NBEAL1: variants seen among roughly 807,000 people sequenced by gnomAD.
The protein encoded by NBEAL1 is neurobeachin like 1, also known as neurobeachin-like protein 1.
Under a neutral mutation model 351.3 loss-of-function variants are expected in NBEAL1, and 273 were observed. The observed-to-expected ratio is 0.78, with a 90% CI of 0.70 to 0.86. The LOEUF is 0.86. Among genes scored for constraint, NBEAL1 ranks in the 40% least tolerant of loss-of-function variants. The pLI is 0.00. For missense variants in NBEAL1, 2,961 were observed against 3,201.3 expected (o/e 0.92, Z 1.81); for synonymous variants, 1,050 against 1,086.4 (o/e 0.97, Z 0.66).
Position 203,148,996 on chromosome 2 carries a change from G to C in NBEAL1, c.5310G>C (p.Leu1770=), listed in dbSNP as rs781092619. 1.9e-6 allele frequency: 3 copies of C among 1,607,122 alleles called. No individual in the cohort carries two copies. Among genetic ancestry groups the C allele is most frequent in the Non-Finnish European group, 2.6e-6 (3 of 1,176,254 alleles). ...CTTTTTATTGTTTCTTTCAGGAGCT[G>C]TTTGTGGAGCCATTTAATCGAAAAG... ...GGESKLKFQE[L]FVEPFNRKAR... is the part of the protein sequence containing the mutation. Residue 1770 remains leucine, a synonymous_variant, in exon 34 of 56, where the codon CTG becomes CTC. Coordinates refer to ENST00000683969, the MANE Select transcript of NBEAL1 (RefSeq NM_001378026.1).
At chr2:203,180,070 A>C (rs888259957) in intron 42 of NBEAL1, among the ~76,000 whole-genome samples, 1 of 152,238 alleles carries the variant, frequency 6.6e-6, no homozygotes, top group Non-Finnish European at 1.5e-5. Context: ...CACTGTACCC[A>C]GCCCTAAAAA....
chr2:203,101,182 T>C (rs2062311725), intron 12 of NBEAL1, among the ~76,000 whole-genome samples: 1 of 152,140 alleles, frequency 6.6e-6, no homozygotes, highest in African/African-American at 2.4e-5. Context: ...TTTTTGTGTA[T>C]TGTAAGGAAG....
chr2:203,066,352 T>C (rs1007504460), intron 6 of NBEAL1, among the ~76,000 whole-genome samples: 8 of 150,100 alleles, frequency 5.3e-5, no homozygotes, highest in Non-Finnish European at 1.0e-4. Context: ...CATTTAAACC[T>C]GAGTTGACAC....
intron 16 of NBEAL1, 122 bp downstream of exon 16, chr2:203,112,220 A>G (rs1055064389): frequency 2.6e-5 from 26 of 986,658 alleles, no homozygotes; most frequent in African/African-American, 5.0e-5. Context: ...AGTGTTTTCT[A>G]TGTAGTAAGA....
At chr2:203,070,608 G>A (rs902207939) in intron 7 of NBEAL1, among the ~76,000 whole-genome samples, 3 of 152,078 alleles carry the variant, frequency 2.0e-5, no homozygotes, top group East Asian at 1.9e-4. Flanking sequence ...TAATTGGCTC[G>A]TGGTTCCACA....
chr2:203,177,935 C>A (rs2064565031), intron 42 of NBEAL1, among the ~76,000 whole-genome samples: 1 of 151,836 alleles, frequency 6.6e-6, no homozygotes, highest in African/African-American at 2.4e-5. Context: ...AGGAGAATTG[C>A]CTGAACCCGG....
At chr2:203,151,677 GTT>G in intron 35 of NBEAL1, 88 bp downstream of exon 35, 1 of 1,247,844 alleles carries the variant, frequency 8.0e-7, no homozygotes. Flanking sequence ...TTTTAAATGT[GTT>G]TACTTATGAA....
At chr2:203,164,559 T>A (rs1209984160) in intron 36 of NBEAL1, among the ~76,000 whole-genome samples, 1 of 152,178 alleles carries the variant, frequency 6.6e-6, no homozygotes, top group Non-Finnish European at 1.5e-5. Context: ...TTTACTTTTT[T>A]AGGGTTACTC....
chr2:203,223,425 G>A lies in NBEAL1; in HGVS notation c.*6071G>A, dbSNP rs78747375. 6.6e-6 allele frequency among the ~76,000 whole-genome samples: 1 copy of A among 151,970 alleles called. No homozygotes were observed. Among genetic ancestry groups the A allele is most frequent in the Non-Finnish European group, 1.5e-5 (1 of 67,944 alleles). On this transcript the variant is annotated 3_prime_UTR_variant, in exon 56 of 56. Transcript: ENST00000683969. ...TTCAAACTTGACTGTTAGTGGAGGG[G>A]TATATGTGTGTCTGTGTTTCCACTT... is the stretch of plus-strand genomic sequence containing the variant.
chr2:203,182,620 C>T (rs2064752434), intron 43 of NBEAL1: 1 of 152,198 alleles, frequency 6.6e-6, no homozygotes, highest in Non-Finnish European at 1.5e-5. Context: ...TGCATTCTGT[C>T]ATTTTATGAC....
At chr2:203,030,286 T>C (rs764265811) in intron 2 of NBEAL1, among the ~76,000 whole-genome samples, 1 of 152,134 alleles carries the variant, frequency 6.6e-6, no homozygotes, top group Non-Finnish European at 1.5e-5. Flanking sequence ...AACCAAATCT[T>C]AATGAAAGCA....
chr2:203,038,248 G>C (rs2061071636), intron 2 of NBEAL1, among the ~76,000 whole-genome samples: 1 of 148,932 alleles, frequency 6.7e-6, no homozygotes, highest in South Asian at 2.1e-4. Context: ...ATCTGGGAGA[G>C]GAATGGCTGG....
At chr2:203,180,955 T>TTTTTTTTTTTTTTTG (rs2064698877) in intron 43 of NBEAL1, 1 of 147,196 alleles carries the variant, frequency 6.8e-6, no homozygotes, top group Non-Finnish European at 1.5e-5. Flanking sequence ...TTTTTTTTTT[T>TTTTTTTTTTTTTTTG]GAGACAGGGT....
rs867034878 is a variant in NBEAL1 at position 203,121,309 on chromosome 2, G to C, written c.2593-945G>C. Among the ~76,000 whole-genome samples the C allele has an allele frequency of 3.8e-4, 57 of 151,892 alleles. No homozygotes were observed. In the Middle Eastern group the frequency reaches 0.014, roughly 36 times the overall value. ...AAATAAAACATTGAATTTTTTTAAA[G>C]CAAAAAATCTGTTTTCATGTATTTG... On this transcript the variant is annotated intron_variant, in intron 18 of 55. Coordinates refer to ENST00000683969, the MANE Select transcript of NBEAL1 (RefSeq NM_001378026.1).
intron 3 of NBEAL1, among the ~76,000 whole-genome samples, chr2:203,048,558 G>A (rs747047506): frequency 2.0e-4 from 31 of 152,038 alleles, no homozygotes; most frequent in Non-Finnish European, 4.1e-4. Flanking sequence ...GCTCATCTGC[G>A]TAGCCCACTT....
chr2:203,208,325 TTTA>T (rs1371356157), intron 51 of NBEAL1, among the ~76,000 whole-genome samples: 1 of 152,072 alleles, frequency 6.6e-6, no homozygotes, highest in Non-Finnish European at 1.5e-5. Flanking sequence ...ACACAAAAAG[TTTA>T]TTTGAAGTTA....
chr2:203,214,572 C>T (rs971674824), intron 55 of NBEAL1, among the ~76,000 whole-genome samples: 5 of 152,002 alleles, frequency 3.3e-5, no homozygotes, highest in Non-Finnish European at 7.4e-5. Context: ...GTCAGGAGTT[C>T]GAGACCAGCC....
Position 203,107,704 on chromosome 2 carries a change from C to G in NBEAL1, c.1465C>G (p.His489Asp). The change falls in exon 14 of 56, where the codon CAT becomes GAT. Residue 489 changes from histidine (H) to aspartate (D), a missense_variant. Physicochemically the swap from His to Asp is moderately conservative, Grantham distance 81 (BLOSUM62 -1). Transcript: ENST00000683969. ...LIQWLPELQS[H>D]DLQIFISDWL... ...CCAGTGGCTTCCAGAACTACAATCC[C>G]ATGACCTGCAAATCTTCATCTCTGA... The G allele has an allele frequency of 6.4e-7, 1 of 1,553,330 alleles. No homozygotes were observed. The highest frequency in any genetic ancestry group is 8.7e-7 in the Non-Finnish European group (1 of 1,147,414).
chr2:203,039,218 TCC>T (rs1336653118), intron 2 of NBEAL1, among the ~76,000 whole-genome samples: 6 of 10,440 alleles, frequency 5.7e-4, no homozygotes, highest in African/African-American at 8.1e-4. Context: ...TCCTTTCCTT[TCC>T]CTTCCCTTCC....
Sources: allele counts gnomAD v4.1 joint callset (sites outside exome capture counted in the v4.1 genomes callset), GRCh38; gene constraint gnomAD v4.1.1; transcripts MANE v1.5; gene names NCBI Gene and HGNC (gene_info 2026-07-23, HGNC 2026-07-21).